CAND2: variants seen among roughly 807,000 people sequenced by gnomAD.
CAND2 encodes cullin associated and neddylation dissociated 2 (putative).
CAND2 carries 62 observed loss-of-function variants against 98.9 expected under a neutral mutation model. The observed-to-expected ratio is 0.63, with a 90% CI of 0.51 to 0.77. The LOEUF is 0.77. CAND2 is among the 30% of genes least tolerant of loss of function. CAND2 has a pLI of 0.00. For synonymous variants in CAND2, 770 were observed against 731.9 expected, an observed-to-expected ratio of 1.05 and a Z score of -0.84; for missense variants, 1,501 against 1,655.2, an observed-to-expected ratio of 0.91 and a Z score of 1.62.
At chr3:12,807,545 CTG>C in intron 3 of CAND2, 85 bp downstream of exon 3, 1 of 1,291,898 alleles carries the variant, frequency 7.7e-7, no homozygotes, top group Non-Finnish European at 1.1e-6. Context: ...AAAAAAAACA[CTG>C]AGGCTCAGAG....
Position 12,817,280 on chromosome 3 carries a change from C to T in CAND2, c.2348C>T (p.Ala783Val), listed in dbSNP as rs200492486. ...DYAKLISLLT[A>V]PVYEQAVDGG... The stretch of plus-strand genomic sequence containing the variant: ...GCCAAACTCATCAGCCTGCTCACTG[C>T]GCCTGTTTATGAGCAGGCTGTGGAT... Residue 783 changes from alanine (A) to valine (V), a missense_variant, in exon 10 of 15, where the codon GCG (alanine) becomes GTG (valine). Ala to Val is a moderately conservative substitution (Grantham distance 64). Around this residue, in one of 3 missense-constraint regions of CAND2, gnomAD observed 1,427 missense variants for 1,545.3 expected, o/e 0.92. Coordinates refer to ENST00000456430, the MANE Select transcript of CAND2 (RefSeq NM_001162499.2). 2.3e-4 allele frequency: 377 copies of T among 1,613,968 alleles called. 2 individuals carry two copies. The highest frequency in any genetic ancestry group is 1.7e-3 in the South Asian group (152 of 91,086).
In CAND2 at chr3:12,797,203, A is replaced by C. The variant is rs988040474; in HGVS notation, c.68+415A>C. Among the ~76,000 whole-genome samples the C allele has an allele frequency of 7.9e-5, 7 of 88,744 alleles. No individual in the cohort carries two copies. The East Asian group carries it at 2.2e-3, about 28-fold the overall frequency. The allele number at this position is 88,744 out of a possible 152,430, so 58.2% of individuals were successfully genotyped here. ...CGCCCCCACCACCTTCAGCGAGCCC[A>C]CAGTGAAGCCCTACGCCTCTCCCTG... On this transcript the variant is annotated intron_variant, in intron 1 of 14. Transcript: ENST00000456430.
rs147449397 is a variant in CAND2 at position 12,815,986 on chromosome 3, G to C, written c.1419G>C (p.Glu473Asp). The C allele has an allele frequency of 7.8e-4, 1,265 of 1,613,904 alleles. 25 individuals are homozygous for C. In the East Asian group the frequency reaches 0.024, roughly 30 times the overall value. ...GTGTCCTCCCAGGCAGCCTGGCCGA[G>C]CATATGCCTGTGCTGGTATCAGGTA... ...LAGVLPGSLA[E>D]HMPVLVSGII... The change falls in exon 9 of 15, where the codon GAG becomes GAC. Residue 473 changes from glutamate (E) to aspartate (D), a missense_variant. By Grantham distance (45) the Glu-to-Asp change is conservative (BLOSUM62 2). Around this residue, in one of 3 missense-constraint regions of CAND2, gnomAD observed 1,427 missense variants for 1,545.3 expected, o/e 0.92. Transcript: ENST00000456430. The surrounding 1 kb of genome is among the most constrained non-coding windows in gnomAD (Gnocchi z 5.7).
At chr3:12,824,017 C>CTATAAT (rs1575779413) in intron 11 of CAND2, among the ~76,000 whole-genome samples, 1 of 152,036 alleles carries the variant, frequency 6.6e-6, no homozygotes, top group East Asian at 1.9e-4. Flanking sequence ...AATGTTTAAA[C>CTATAAT]TATAATGGCT....
intron 13 of CAND2, 31 bp downstream of exon 13, chr3:12,827,635 G>A (rs539603789): frequency 1.3e-6 from 2 of 1,574,280 alleles, no homozygotes; most frequent in East Asian, 4.5e-5. Context: ...AGATCTATGT[G>A]CCCCTGTACC....
rs201022461 is a variant in CAND2, at chr3:12,827,546, A to G, written c.3317A>G (p.Asp1106Gly). 1.8e-4 allele frequency: 296 copies of G among 1,614,022 alleles called. 1 individual carries two copies. Among genetic ancestry groups the G allele is most frequent in the Non-Finnish European group, 2.4e-4 (287 of 1,179,994 alleles). The change falls in exon 13 of 15, where the codon GAT (aspartate) becomes GGT (glycine). Residue 1106 changes from aspartate to glycine, a missense_variant. Physicochemically the swap from Asp to Gly is moderately conservative, Grantham distance 94. Around this residue, in one of 3 missense-constraint regions of CAND2, gnomAD observed 1,427 missense variants for 1,545.3 expected, o/e 0.92. Coordinates refer to ENST00000456430, the MANE Select transcript of CAND2 (RefSeq NM_001162499.2). Reference protein sequence around the residue: ...SLLESCLGQLDICEFLNHVED... With the variant: ...SLLESCLGQLGICEFLNHVED... ...CTTGAGAGCTGCCTGGGCCAGCTGGATATCTGTGAGTTCCTGAACCATGTG... is the reference window on the plus strand; with the variant it reads ...CTTGAGAGCTGCCTGGGCCAGCTGGGTATCTGTGAGTTCCTGAACCATGTG...
In CAND2 at chr3:12,815,211, C is replaced by T. The variant is rs1181744337; in HGVS notation, c.1077C>T (p.Ile359=). 3 of 1,613,820 alleles carry T rather than the reference C, an allele frequency of 1.9e-6. No homozygotes were observed. The highest frequency in any genetic ancestry group is 2.2e-5 in the East Asian group (1 of 44,888). The change falls in exon 8 of 15, where the codon ATC becomes ATT. Residue 359 remains isoleucine (I), a synonymous_variant. Transcript: ENST00000456430. The surrounding 1 kb of genome is among the most constrained non-coding windows in gnomAD (Gnocchi z 5.7). ...TGCGCCGGGCAGCTGCCAAGTGCAT[C>T]GCAGCCTTGATCAGCTCGCGGCCTG... is the stretch of plus-strand genomic sequence containing the variant. The part of the protein sequence containing the change: ...WKVRRAAAKC[I]AALISSRPDL...
Position 12,796,794 on chromosome 3 carries a change from G to T in CAND2, c.68+6G>T, listed in dbSNP as rs12631514. ...TCCAGCGACAAGGACTTCAGGTGCA[G>T]CCCGCCGCCGGCCCCCTTCTCTCCT... On this transcript the variant is annotated splice_donor_region_variant and intron_variant, in intron 1 of 14. Coordinates refer to ENST00000456430, the MANE Select transcript of CAND2 (RefSeq NM_001162499.2). The T allele has an allele frequency of 1.3e-6, 2 of 1,574,046 alleles. No individual in the cohort carries two copies. Among genetic ancestry groups the T allele is most frequent in the African/African-American group, 1.3e-5 (1 of 74,088 alleles).
Position 12,817,851 on chromosome 3 carries a change from C to T in CAND2, c.2919C>T (p.Pro973=). ...LVLVNPSFLL[P]RLRKQLAAGR... ...TTGTGAACCCTTCGTTCCTTCTGCC[C>T]CGCTTGCGGAAGCAGCTTGCTGCAG... Residue 973 remains proline, a synonymous_variant, in exon 10 of 15, where the codon CCC becomes CCT. Coordinates refer to ENST00000456430, the MANE Select transcript of CAND2 (RefSeq NM_001162499.2). The T allele has an allele frequency of 1.3e-6, 2 of 1,506,518 alleles. No individual in the cohort carries two copies. The highest frequency in any genetic ancestry group is 1.8e-6 in the Non-Finnish European group (2 of 1,127,036). 93.3% of individuals were successfully genotyped at this position (1,506,518 alleles called of 1,614,324 possible).
intron 10 of CAND2, among the ~76,000 whole-genome samples, chr3:12,819,178 A>G (rs1418248016): frequency 6.6e-6 from 1 of 152,200 alleles, no homozygotes; most frequent in African/African-American, 2.4e-5. Flanking sequence ...GCCTGTCTTC[A>G]TCAGCCACCC....
intron 10 of CAND2, 104 bp downstream of exon 10, chr3:12,817,980 T>G: frequency 9.3e-7 from 1 of 1,072,396 alleles, no homozygotes; most frequent in Non-Finnish European, 1.3e-6. Flanking sequence ...AGTCACTGGA[T>G]ACAAGAATCA....
Position 12,825,545 on chromosome 3 carries a change from T to C in CAND2, c.3116T>C (p.Val1039Ala). ...ACTCTGGCTTTCTTCAACTCAGCTG[T>C]GCACAACAAGCCCTCGCTAGTCCGG... ...RATLAFFNSAVHNKPSLVRDL... is the reference protein window; with the variant it reads ...RATLAFFNSAAHNKPSLVRDL... The change falls in exon 12 of 15, where the codon GTG (valine) becomes GCG (alanine). Residue 1039 changes from valine (V) to alanine (A), a missense_variant. By Grantham distance (64) the Val-to-Ala change is moderately conservative. Coordinates refer to ENST00000456430, the MANE Select transcript of CAND2 (RefSeq NM_001162499.2). 6.2e-7 allele frequency: 1 copy of C among 1,609,126 alleles called. No homozygotes were observed. Among genetic ancestry groups the C allele is most frequent in the Non-Finnish European group, 8.5e-7 (1 of 1,177,982 alleles).
chr3:12,798,465 GGTA>G (rs1413026985), intron 1 of CAND2, among the ~76,000 whole-genome samples: 1 of 152,114 alleles, frequency 6.6e-6, no homozygotes, highest in African/African-American at 2.4e-5. Context: ...CTGAGTACAC[GGTA>G]GGTGCTTAGT....
In CAND2 at chr3:12,820,036, T is replaced by C. The variant is rs2061943694; in HGVS notation, c.2945-50T>C. 4.1e-6 allele frequency: 6 copies of C among 1,472,570 alleles called. No individual in the cohort carries two copies. The East Asian group carries it at 1.4e-4, about 33-fold the overall frequency. 91.2% of individuals were successfully genotyped at this position (1,472,570 alleles called of 1,614,324 possible). A position where few individuals can be genotyped will look rare whatever the true frequency, so the allele number is the denominator to read the frequency against. On this transcript the variant is annotated intron_variant, in intron 10 of 14. Coordinates refer to ENST00000456430, the MANE Select transcript of CAND2 (RefSeq NM_001162499.2). ...CTAAGCACCTTCTGATCTGTGAGCC[T>C]CCAGGATTGGCCCCTGCCCCTCACT...
chr3:12,828,830 T>C (rs2062026785), intron 13 of CAND2, among the ~76,000 whole-genome samples: 1 of 152,232 alleles, frequency 6.6e-6, no homozygotes. Context: ...ACAGTATTTG[T>C]CCTTTTGTGA....
rs750816826 is a variant in CAND2, at chr3:12,825,566, T to C, written c.3137T>C (p.Val1046Ala). ...GCTGTGCACAACAAGCCCTCGCTAG[T>C]CCGGGACCTGCTGGATGACATCCTG... ...NSAVHNKPSLVRDLLDDILPL... is the reference protein window; with the variant it reads ...NSAVHNKPSLARDLLDDILPL... The change falls in exon 12 of 15, where the codon GTC becomes GCC. Residue 1046 changes from valine (V) to alanine (A), a missense_variant. Physicochemically the swap from Val to Ala is moderately conservative, Grantham distance 64 (BLOSUM62 0). Transcript: ENST00000456430. The C allele has an allele frequency of 7.4e-6, 12 of 1,611,314 alleles. No individual in the cohort carries two copies. The highest frequency in any genetic ancestry group is 1.7e-5 in the Admixed American group (1 of 59,698).
At chr3:12,831,722 C>T in intron 14 of CAND2, 150 bp downstream of exon 14, 1 of 595,046 alleles carries the variant, frequency 1.7e-6, no homozygotes, top group East Asian at 3.0e-5. Context: ...CTATAAAGTA[C>T]CTCTTATTAT....
chr3:12,833,633 C>T (rs1383264884), intron 14 of CAND2, 122 bp from the exon 15 acceptor site: 27 of 789,584 alleles, frequency 3.4e-5, no homozygotes, highest in South Asian at 9.7e-5. Context: ...CAGGAGACCT[C>T]GCAGCAGGGA....
At chr3:12,819,960 G>C (rs2124861146) in intron 10 of CAND2, 126 bp from the exon 11 acceptor site, 2 of 704,596 alleles carry the variant, frequency 2.8e-6, no homozygotes, top group Non-Finnish European at 2.5e-6. Context: ...CACTTTCCCA[G>C]AGATGGGGAG....
Sources: gnomAD v4.1 joint callset for allele counts (sites outside exome capture counted in the v4.1 genomes callset) on GRCh38, gnomAD v4.1.1 for gene constraint, gnomAD v4.1.1 regional missense constraint, Gnocchi (gnomAD v3.1) non-coding constraint, MANE v1.5 for transcripts, NCBI Gene and HGNC (gene_info 2026-07-23, HGNC 2026-07-21) for gene names.